FAM83B: variants seen among roughly 807,000 people sequenced by gnomAD.
FAM83B encodes the protein scaffolding CK1 anchoring protein B, also known as protein FAM83B.
A neutral mutation model predicts 38.8 loss-of-function variants in FAM83B; 26 were observed. That is an observed-to-expected ratio of 0.67 (90% CI 0.49 to 0.93). The LOEUF (loss-of-function observed/expected upper bound fraction) is 0.93. FAM83B is among the 40% of genes least tolerant of loss of function. The probability of loss-of-function intolerance (pLI) is 0.00; values close to 1 mark genes in which losing one functional copy is unlikely to be tolerated. For missense variants in FAM83B, 1,237 were observed against 1,197.3 expected (o/e 1.03, Z -0.49); for synonymous variants, 419 against 423.1 (o/e 0.99, Z 0.12).
Position 54,941,302 on chromosome 6 carries a change from ATTAC to A in FAM83B, c.2335_2338del (p.Leu779AlafsTer28). Reference sequence around the variant, plus strand: ...AAAAGGGGTCTCAGAAGTTAAGGTCATTACTTAGCCTTACCCCAGATAAGAAAGA... The same window carrying A: ...AAAAGGGGTCTCAGAAGTTAAGGTCATTAGCCTTACCCCAGATAAGAAAGA... On this transcript the variant is annotated frameshift_variant, in exon 5 of 5. Transcript: ENST00000306858. LOFTEE classifies it high-confidence loss of function. The A allele has an allele frequency of 6.2e-7, 1 of 1,611,408 alleles. No homozygotes were observed. Among genetic ancestry groups the A allele is most frequent in the Middle Eastern group, 1.7e-4 (1 of 6,030 alleles).
chr6:54,938,121 T>C (rs940610570), intron 4 of FAM83B, among the ~76,000 whole-genome samples: 4 of 152,126 alleles, frequency 2.6e-5, no homozygotes, highest in African/African-American at 7.2e-5. Flanking sequence ...ATATACAATA[T>C]TTTGTTTTCC....
At chr6:54,849,935 T>G (rs1771233060) in intron 1 of FAM83B, among the ~76,000 whole-genome samples, 1 of 152,056 alleles carries the variant, frequency 6.6e-6, no homozygotes, top group African/African-American at 2.4e-5. Context: ...AGAGAAGTTA[T>G]GCAGTGATGA....
chr6:54,862,021 C>T (rs747887614), intron 1 of FAM83B, among the ~76,000 whole-genome samples: 2 of 152,056 alleles, frequency 1.3e-5, no homozygotes, highest in East Asian at 1.9e-4. Context: ...ACAAGGTATA[C>T]GTGTAAGAAT....
At chr6:54,896,125 C>T (rs140460528) in intron 2 of FAM83B, among the ~76,000 whole-genome samples, 306 of 152,106 alleles carry the variant, frequency 2.0e-3, no homozygotes, top group African/African-American at 6.9e-3. Flanking sequence ...CTCCTGACCT[C>T]GTGATCCCCC....
intron 1 of FAM83B, among the ~76,000 whole-genome samples, chr6:54,852,813 A>T (rs1771339232): frequency 6.6e-6 from 1 of 152,216 alleles, no homozygotes; most frequent in Non-Finnish European, 1.5e-5. Flanking sequence ...AGAAAATCTT[A>T]TTGGTCTAGA....
rs1191538427 is a variant in FAM83B at position 54,941,919 on chromosome 6, C to G, written c.2948C>G (p.Thr983Ser). The G allele has an allele frequency of 6.2e-7, 1 of 1,613,904 alleles. No homozygotes were observed. The highest frequency in any genetic ancestry group is 8.5e-7 in the Non-Finnish European group (1 of 1,179,992). ...GRSSPLLNYN[T>S]GVYRSYQPNE... ...TCTAGTCCATTGCTTAATTACAACA[C>G]TGGTGTTTATCGCTCATATCAACCC... The change falls in exon 5 of 5, where the codon ACT (threonine) becomes AGT (serine). Residue 983 changes from threonine (T) to serine (S), a missense_variant. Physicochemically the swap from Thr to Ser is moderately conservative, Grantham distance 58. Coordinates refer to ENST00000306858, the MANE Select transcript of FAM83B (RefSeq NM_001010872.3).
chr6:54,888,532 T>C (rs1001423094), intron 2 of FAM83B, among the ~76,000 whole-genome samples: 1 of 151,980 alleles, frequency 6.6e-6, no homozygotes, highest in African/African-American at 2.4e-5. Context: ...AAGTTGTTAT[T>C]ATTATTATTG....
chr6:54,920,312 G>C lies in FAM83B; in HGVS notation c.445-6059G>C, dbSNP rs181395895. The stretch of plus-strand genomic sequence containing the variant: ...CAGTTGTGTTGAATTTTGTTATAAT[G>C]TTATTGTAGAGCTCCATTAATCTGT... On this transcript the variant is annotated intron_variant, in intron 2 of 4. Coordinates refer to ENST00000306858, the MANE Select transcript of FAM83B (RefSeq NM_001010872.3). 3.0e-3 allele frequency among the ~76,000 whole-genome samples: 449 copies of C among 151,396 alleles called. 2 individuals are homozygous for C. Among genetic ancestry groups the C allele is most frequent in the African/African-American group, 0.01 (426 of 41,370 alleles).
intron 2 of FAM83B, among the ~76,000 whole-genome samples, chr6:54,884,117 C>T (rs1286071909): frequency 6.6e-6 from 1 of 151,958 alleles, no homozygotes; most frequent in Admixed American, 6.6e-5. Context: ...TCCTGGCCAA[C>T]ATGGTGAAAC....
chr6:54,863,546 C>CCAA (rs200610487), intron 1 of FAM83B, among the ~76,000 whole-genome samples: 7,301 of 151,450 alleles, frequency 0.048, 612 homozygotes, highest in African/African-American at 0.17. Flanking sequence ...TGCCGCTGAG[C>CCAA]CAACCTGTGA....
chr6:54,862,277 A>G (rs9370332), intron 1 of FAM83B, among the ~76,000 whole-genome samples: 43,960 of 152,164 alleles, frequency 0.29, 8,328 homozygotes, highest in East Asian at 0.82. Flanking sequence ...TTCAGATTAT[A>G]TGACCAGTCT....
In FAM83B at chr6:54,941,392, A is replaced by C. The variant is rs1163079759; in HGVS notation, c.2421A>C (p.Leu807Phe). The C allele has an allele frequency of 1.9e-6, 3 of 1,613,284 alleles. No individual in the cohort carries two copies. Among genetic ancestry groups the C allele is most frequent in the Non-Finnish European group, 2.5e-6 (3 of 1,179,850 alleles). ...GATTGTGTAGTAGCTCTGACACATT[A>C]GTTTCTGAGGGTGAAGAAAATCAAA... ...FYRLCSSSDT[L>F]VSEGEENQKP... The change falls in exon 5 of 5, where the codon TTA (leucine) becomes TTC (phenylalanine). Residue 807 changes from leucine to phenylalanine, a missense_variant. Physicochemically the swap from Leu to Phe is conservative, Grantham distance 22. Coordinates refer to ENST00000306858, the MANE Select transcript of FAM83B (RefSeq NM_001010872.3).
At position 54,942,240 on chromosome 6, in the gene FAM83B, T is replaced by C. The variant is rs1422832497; in HGVS notation, c.*233T>C. ...AAGTGGTAATGGTAAAAATAATAGA[T>C]GTATTTAAATCATTTTCTTTAGACT... On this transcript the variant is annotated 3_prime_UTR_variant, in exon 5 of 5. Coordinates refer to ENST00000306858, the MANE Select transcript of FAM83B (RefSeq NM_001010872.3). 5.3e-5 allele frequency among the ~76,000 whole-genome samples: 8 copies of C among 152,214 alleles called. No homozygotes were observed. The highest frequency in any genetic ancestry group is 4.6e-4 in the Admixed American group (7 of 15,282).
chr6:54,937,420 A>G (rs1327405215), intron 4 of FAM83B, among the ~76,000 whole-genome samples: 1 of 152,044 alleles, frequency 6.6e-6, no homozygotes, highest in Admixed American at 6.6e-5. Flanking sequence ...TTTGACTGGC[A>G]TGGTTTCTGA....
intron 1 of FAM83B, among the ~76,000 whole-genome samples, chr6:54,858,540 A>G (rs1771499110): frequency 6.6e-6 from 1 of 151,656 alleles, no homozygotes; most frequent in South Asian, 2.1e-4. Context: ...TGAAATATAC[A>G]TAACCATAAT....
chr6:54,848,073 A>G (rs1212706331), intron 1 of FAM83B, among the ~76,000 whole-genome samples: 1 of 143,900 alleles, frequency 6.9e-6, no homozygotes, highest in Non-Finnish European at 1.5e-5. Context: ...GACTTAGAAG[A>G]GAAAACTGGG....
chr6:54,927,711 A>C lies in FAM83B; in HGVS notation c.734+79A>C, dbSNP rs999114498. 1.4e-5 allele frequency: 9 copies of C among 665,338 alleles called. No individual in the cohort carries two copies. The African/African-American group carries it at 1.8e-4, about 13-fold the overall frequency. The allele number at this position is 665,338 out of a possible 1,614,324, so 41.2% of individuals were successfully genotyped here. A position where few individuals can be genotyped will look rare whatever the true frequency, so the allele number is the denominator to read the frequency against. ...GTTTCAAATTTTAATATAATCAGTTAAGCTTTTTCTTAAAAGTAAAAAAAA... is the reference window on the plus strand; with the variant it reads ...GTTTCAAATTTTAATATAATCAGTTCAGCTTTTTCTTAAAAGTAAAAAAAA... On this transcript the variant is annotated intron_variant, in intron 4 of 4. Transcript: ENST00000306858.
Position 54,940,020 on chromosome 6 carries a change from AAT to A in FAM83B, c.1053_1054del (p.Tyr351Ter). 6.2e-7 allele frequency: 1 copy of A among 1,613,990 alleles called. No individual in the cohort carries two copies. The highest frequency in any genetic ancestry group is 2.2e-5 in the East Asian group (1 of 44,878). On this transcript the variant is annotated frameshift_variant, in exon 5 of 5. Coordinates refer to ENST00000306858, the MANE Select transcript of FAM83B (RefSeq NM_001010872.3). LOFTEE classifies it low-confidence loss of function (END_TRUNC). ...ATATATACTTTAAATGAACATGACA[AAT>A]ATAACATAAGAAGTCACGGATACAA...
In FAM83B at chr6:54,927,429, TA is replaced by T. The variant is rs1341030341; in HGVS notation, c.610-78del. On this transcript the variant is annotated intron_variant, in intron 3 of 4. Coordinates refer to ENST00000306858, the MANE Select transcript of FAM83B (RefSeq NM_001010872.3). ...AGTAAATTTTTTTATATTAAGATTC[TA>T]TCATGATATGGATTTTGGTTTTCAA... The T allele has an allele frequency of 5.1e-6, 6 of 1,186,348 alleles. No homozygotes were observed. The Admixed American group carries it at 1.6e-4, about 32-fold the overall frequency. 73.5% of individuals were successfully genotyped at this position (1,186,348 alleles called of 1,614,324 possible).
Sources: allele counts gnomAD v4.1 joint callset (sites outside exome capture counted in the v4.1 genomes callset), GRCh38; gene constraint gnomAD v4.1.1; transcripts MANE v1.5; gene names NCBI Gene and HGNC (gene_info 2026-07-23, HGNC 2026-07-21).